SLC13A3: variants seen among roughly 807,000 people sequenced by gnomAD.
SLC13A3 encodes the protein solute carrier family 13 member 3.
SLC13A3 carries 40 observed loss-of-function variants against 59.0 expected under a neutral mutation model. The ratio of observed to expected loss-of-function variants is 0.68; its 90% confidence interval spans 0.53 to 0.88. The LOEUF (loss-of-function observed/expected upper bound fraction) is 0.88, where lower values mean the gene tolerates loss of function less well. Ranked by LOEUF, SLC13A3 falls within the 40% of genes least tolerant of loss-of-function variation. The probability of loss-of-function intolerance (pLI) is 0.00; values close to 1 mark genes in which losing one functional copy is unlikely to be tolerated. For missense variants in SLC13A3, 699 were observed against 783.2 expected, an observed-to-expected ratio of 0.89 and a Z score of 1.28; for synonymous variants, 317 against 330.3, an observed-to-expected ratio of 0.96 and a Z score of 0.44.
chr20:46,577,599 C>A (rs886851253), intron 9 of SLC13A3, among the ~76,000 whole-genome samples: 13 of 152,220 alleles, frequency 8.5e-5, no homozygotes, highest in African/African-American at 3.1e-4. Context: ...GAGTGCGTAT[C>A]AGACTGTCTG....
At chr20:46,658,771 A>G (rs1179695827) in intron 1 of SLC13A3, among the ~76,000 whole-genome samples, 1 of 152,228 alleles carries the variant, frequency 6.6e-6, no homozygotes, top group Admixed American at 6.5e-5. Context: ...CTCCAATTCA[A>G]TTATGGATTT....
chr20:46,581,218 G>A (rs1035541978), intron 9 of SLC13A3, among the ~76,000 whole-genome samples: 27 of 152,262 alleles, frequency 1.8e-4, no homozygotes, highest in African/African-American at 3.9e-4. Flanking sequence ...CAACAATAGC[G>A]CCTTCCCCAT....
At chr20:46,631,692 C>T (rs1238746894) in intron 1 of SLC13A3, among the ~76,000 whole-genome samples, 3 of 152,086 alleles carry the variant, frequency 2.0e-5, no homozygotes, top group East Asian at 1.9e-4. Context: ...CCTTATAATC[C>T]CCCCACCAAA....
In SLC13A3 at chr20:46,585,956, A is replaced by G. The variant is rs186723642; in HGVS notation, c.1121+2103T>C. On this transcript the variant is annotated intron_variant, in intron 8 of 12. Transcript: ENST00000279027. ...GCCCAGTATGGTAGCCACAAGCCAC[A>G]TGTGGGCTAGTGGGCACTTGAAATG... 1.6e-3 allele frequency among the ~76,000 whole-genome samples: 247 copies of G among 152,300 alleles called. 2 individuals are homozygous for G. The highest frequency in any genetic ancestry group is 7.3e-3 in the Admixed American group (112 of 15,300).
chr20:46,605,062 C>T (rs1469580742), intron 3 of SLC13A3, among the ~76,000 whole-genome samples: 1 of 152,168 alleles, frequency 6.6e-6, no homozygotes, highest in African/African-American at 2.4e-5. Flanking sequence ...GCCCCGTTTG[C>T]TCTGCATCTG....
intron 1 of SLC13A3, among the ~76,000 whole-genome samples, chr20:46,616,586 C>A (rs184130707): frequency 5.9e-5 from 9 of 152,296 alleles, no homozygotes; most frequent in African/African-American, 1.9e-4. Context: ...GTTGGAAAAG[C>A]CTCAATGTGT....
chr20:46,631,876 T>G (rs2062741877), intron 1 of SLC13A3, among the ~76,000 whole-genome samples: 1 of 152,140 alleles, frequency 6.6e-6, no homozygotes, highest in Non-Finnish European at 1.5e-5. Context: ...ACTTTTTTCC[T>G]ACTGCCCCCC....
chr20:46,602,614 T>C (rs1160045965), intron 3 of SLC13A3, among the ~76,000 whole-genome samples: 1 of 152,110 alleles, frequency 6.6e-6, no homozygotes, highest in Non-Finnish European at 1.5e-5. Flanking sequence ...ACCCAAGAGA[T>C]GTTGGGCAAT....
At chr20:46,600,647 G>A (rs1389447442) in intron 3 of SLC13A3, 2 of 450,234 alleles carry the variant, frequency 4.4e-6, no homozygotes, top group East Asian at 1.4e-4. Context: ...AGTCATCAAT[G>A]GGTTGGACGA....
rs2062164805 is a variant in SLC13A3, at chr20:46,583,884, G to A, written c.1122-215C>T. The A allele has an allele frequency of 4.1e-6, 4 of 985,220 alleles. No individual in the cohort carries two copies. In the South Asian group the frequency reaches 1.9e-4, roughly 46 times the overall value. 61.0% of individuals were successfully genotyped at this position (985,220 alleles called of 1,614,324 possible). A position where few individuals can be genotyped will look rare whatever the true frequency, so the allele number is the denominator to read the frequency against. On this transcript the variant is annotated intron_variant, in intron 8 of 12. Coordinates refer to ENST00000279027, the MANE Select transcript of SLC13A3 (RefSeq NM_022829.6). ...CTGGGGGCATTTAGATGCTGCTTGGGCTCAAGCAAATGCTTATCTTCCCAA... is the reference window on the plus strand; with the variant it reads ...CTGGGGGCATTTAGATGCTGCTTGGACTCAAGCAAATGCTTATCTTCCCAA...
rs370462418 is a variant in SLC13A3 at position 46,613,548 on chromosome 20, G to A, written c.289C>T (p.Leu97=). ...TCCTCAATGGCGCTGGCCATGATCA[G>A]CCCACTGAGGAAGAGGAAGTTGGTG... ...LDTNFLFLSG[L]IMASAIEEWN... The change falls in exon 2 of 13, where the codon CTG becomes TTG. Residue 97 remains leucine (L), a synonymous_variant. Coordinates refer to ENST00000279027, the MANE Select transcript of SLC13A3 (RefSeq NM_022829.6). 1.2e-6 allele frequency: 2 copies of A among 1,613,996 alleles called. No homozygotes were observed. Among genetic ancestry groups the A allele is most frequent in the East Asian group, 2.2e-5 (1 of 44,890 alleles).
intron 1 of SLC13A3, among the ~76,000 whole-genome samples, chr20:46,640,202 G>A (rs1350649785): frequency 2.0e-5 from 3 of 152,192 alleles, no homozygotes; most frequent in African/African-American, 2.4e-5. Context: ...CAAAGCTGAG[G>A]TCACTTCCTA....
At chr20:46,679,592 C>T (rs1286974659) in intron 1 of SLC13A3, among the ~76,000 whole-genome samples, 6 of 148,722 alleles carry the variant, frequency 4.0e-5, no homozygotes, top group East Asian at 2.0e-4. Context: ...CTAGCCTGGG[C>T]GACAGAGCGA....
At chr20:46,592,122 A>G (rs1291295609) in intron 6 of SLC13A3, among the ~76,000 whole-genome samples, 2 of 152,154 alleles carry the variant, frequency 1.3e-5, no homozygotes, top group Admixed American at 6.5e-5. Flanking sequence ...CTGAGGCCAG[A>G]GGAACACTGA....
rs756423582 is a variant in SLC13A3, at chr20:46,583,552, C to T, written c.1219+20G>A. The T allele has an allele frequency of 1.2e-5, 20 of 1,613,170 alleles. No homozygotes were observed. The highest frequency in any genetic ancestry group is 1.5e-5 in the Non-Finnish European group (18 of 1,179,748). ...CAGTCCTCACTGAGCCCACCGAGAC[C>T]CCAGCCTTGACCACCTTACCTTTGA... On this transcript the variant is annotated intron_variant, in intron 9 of 12. Coordinates refer to ENST00000279027, the MANE Select transcript of SLC13A3 (RefSeq NM_022829.6).
At chr20:46,564,890 G>T (rs983971486) in intron 11 of SLC13A3, among the ~76,000 whole-genome samples, 6 of 152,126 alleles carry the variant, frequency 3.9e-5, no homozygotes, top group Middle Eastern at 3.2e-3. Flanking sequence ...ATATTCTCCC[G>T]TCATTGAAAA....
At chr20:46,598,152 A>T (rs2062333958) in intron 4 of SLC13A3, among the ~76,000 whole-genome samples, 1 of 152,236 alleles carries the variant, frequency 6.6e-6, no homozygotes. Flanking sequence ...AAGGAAAGAT[A>T]ATTCAAATAC....
At chr20:46,665,243 G>GCAATAGAATGAGA (rs1196169944) in intron 1 of SLC13A3, among the ~76,000 whole-genome samples, 10 of 151,222 alleles carry the variant, frequency 6.6e-5, no homozygotes, top group Admixed American at 2.6e-4. Flanking sequence ...TCCAGCCTGG[G>GCAATAGAATGAGA]CAATAGAATG....
chr20:46,601,546 G>A (rs1359303395), intron 3 of SLC13A3, among the ~76,000 whole-genome samples: 1 of 152,184 alleles, frequency 6.6e-6, no homozygotes, highest in Non-Finnish European at 1.5e-5. Context: ...TCCTCATGGA[G>A]CTGATCTTCT....
Sources: allele counts gnomAD v4.1 joint callset (sites outside exome capture counted in the v4.1 genomes callset), GRCh38; gene constraint gnomAD v4.1.1; transcripts MANE v1.5; gene names NCBI Gene and HGNC (gene_info 2026-07-23, HGNC 2026-07-21).